The following DAOA variants were observed in gnomAD, a reference collection of about 807,000 sequenced individuals.
DAOA encodes D-amino acid oxidase regulator.
In DAOA, 15 loss-of-function variants were observed where a neutral mutation model predicts 16.4. The ratio of observed to expected loss-of-function variants is 0.91; its 90% confidence interval spans 0.61 to 1.41. The LOEUF is 1.41. Among genes scored for constraint, DAOA ranks in the 40% most tolerant of loss-of-function variants. The pLI is 0.00. For synonymous variants in DAOA, 75 were observed against 59.1 expected, an observed-to-expected ratio of 1.27 and a Z score of -1.23; for missense variants, 230 against 176.8, an observed-to-expected ratio of 1.30 and a Z score of -1.71.
intron 4 of DAOA, among the ~76,000 whole-genome samples, chr13:105,484,601 A>G (rs1197586966): frequency 6.6e-6 from 1 of 152,258 alleles, no homozygotes; most frequent in East Asian, 1.9e-4. Flanking sequence ...TTTAAAATTC[A>G]ATTACATATT....
chr13:105,466,244 C>A lies in DAOA; in HGVS notation c.-45C>A. The A allele has an allele frequency of 6.2e-7, 1 of 1,613,310 alleles. No homozygotes were observed. The highest frequency in any genetic ancestry group is 1.3e-5 in the African/African-American group (1 of 75,054). On this transcript the variant is annotated 5_prime_UTR_variant, in exon 2 of 6. Coordinates refer to ENST00000375936, the MANE Select transcript of DAOA (RefSeq NM_172370.5). ...TTGGAAAGGGCATGGCAGGAGGTCT[C>A]ATCTCTGCTTCACAATGCCGATGAT...
At chr13:105,471,298 G>A (rs901094340) in intron 3 of DAOA, among the ~76,000 whole-genome samples, 4 of 150,820 alleles carry the variant, frequency 2.7e-5, no homozygotes, top group African/African-American at 4.9e-5. Flanking sequence ...TGGTCAAACC[G>A]AATGTGTGGC....
chr13:105,481,586 C>T (rs528108238), intron 4 of DAOA, among the ~76,000 whole-genome samples: 71 of 152,242 alleles, frequency 4.7e-4, no homozygotes, highest in South Asian at 4.4e-3. Flanking sequence ...AAACAGACTC[C>T]CTTAATATCC....
chr13:105,490,225 A>G (rs563731892), intron 5 of DAOA, 33 bp downstream of exon 5: 2 of 1,034,684 alleles, frequency 1.9e-6, no homozygotes, highest in East Asian at 7.8e-5. Flanking sequence ...ATTTTTATGA[A>G]TATTTTTATG....
rs768190462 is a variant in DAOA at position 105,489,904 on chromosome 13, TG to T, written c.286del (p.Glu96LysfsTer3). ...SYLPQPYAEL[E>X]EVSSHVGKVF... The stretch of plus-strand genomic sequence containing the variant: ...CTGAGACCGGATCTCCTTACAGGCT[TG>T]AAGAAGTAAGCAGCCATGTTGGAAA... On this transcript the variant is annotated frameshift_variant, in exon 5 of 6. Transcript: ENST00000375936. LOFTEE classifies it high-confidence loss of function. The T allele has an allele frequency of 3.1e-6, 5 of 1,613,880 alleles. No homozygotes were observed. The highest frequency in any genetic ancestry group is 4.2e-6 in the Non-Finnish European group (5 of 1,179,866).
At chr13:105,474,209 G>C (rs1052848779) in intron 4 of DAOA, among the ~76,000 whole-genome samples, 2 of 151,796 alleles carry the variant, frequency 1.3e-5, no homozygotes, top group African/African-American at 4.8e-5. Flanking sequence ...AATGCCAATG[G>C]GACTATGAGG....
intron 2 of DAOA, 136 bp downstream of exon 2, chr13:105,466,468 T>C (rs771445102): frequency 2.8e-6 from 4 of 1,419,828 alleles, no homozygotes; most frequent in African/African-American, 1.4e-5. Context: ...CTGAGCCCAG[T>C]ATATGGTTCA....
chr13:105,485,306 A>C (rs1433550382), intron 4 of DAOA, among the ~76,000 whole-genome samples: 1 of 152,156 alleles, frequency 6.6e-6, no homozygotes, highest in Non-Finnish European at 1.5e-5. Flanking sequence ...CATGTCAAAA[A>C]AATGAACCCA....
chr13:105,482,736 A>C (rs1368059468), intron 4 of DAOA, among the ~76,000 whole-genome samples: 1 of 151,774 alleles, frequency 6.6e-6, no homozygotes, highest in African/African-American at 2.4e-5. Flanking sequence ...TCAAACTCCT[A>C]ACCTCGTGAT....
chr13:105,477,293 TAG>T (rs1008569313), intron 4 of DAOA: 3 of 152,186 alleles, frequency 2.0e-5, no homozygotes, highest in Non-Finnish European at 2.9e-5. Context: ...GTCTATCAGA[TAG>T]AGTTTCTACT....
chr13:105,482,541 ACT>A (rs780812871), intron 4 of DAOA, among the ~76,000 whole-genome samples: 2 of 139,216 alleles, frequency 1.4e-5, no homozygotes, highest in Non-Finnish European at 3.1e-5. Context: ...ATGGAGTCTC[ACT>A]CTGTCACCCA....
intron 4 of DAOA, among the ~76,000 whole-genome samples, chr13:105,485,683 G>A (rs746843058): frequency 6.6e-6 from 1 of 152,126 alleles, no homozygotes; most frequent in African/African-American, 2.4e-5. Context: ...CATTATGACT[G>A]GGGTCCTTGT....
intron 4 of DAOA, among the ~76,000 whole-genome samples, chr13:105,476,523 C>T (rs1186276846): frequency 7.7e-6 from 1 of 130,066 alleles, no homozygotes; most frequent in Non-Finnish European, 1.7e-5. Flanking sequence ...AAAAAAATTA[C>T]ATATGAGGTA....
At chr13:105,472,771 T>A (rs1289183663) in intron 4 of DAOA, 86 bp downstream of exon 4, 36 of 1,252,874 alleles carry the variant, frequency 2.9e-5, no homozygotes, top group Non-Finnish European at 3.7e-5. Flanking sequence ...TCTCTGGGCT[T>A]TTTAATATTA....
At chr13:105,470,719 C>T (rs1033661384) in intron 3 of DAOA, among the ~76,000 whole-genome samples, 3 of 152,144 alleles carry the variant, frequency 2.0e-5, no homozygotes, top group Non-Finnish European at 4.4e-5. Flanking sequence ...AAGCAATTCT[C>T]CTGCCTCAGC....
chr13:105,466,520 A>G, intron 2 of DAOA, 188 bp downstream of exon 2: 1 of 907,786 alleles, frequency 1.1e-6, no homozygotes, highest in South Asian at 2.0e-5. Flanking sequence ...AGGAGAACCT[A>G]GCCAAGGATC....
At chr13:105,481,816 ATCTC>A (rs887377681) in intron 4 of DAOA, among the ~76,000 whole-genome samples, 29 of 151,986 alleles carry the variant, frequency 1.9e-4, no homozygotes, top group Admixed American at 1.5e-3. Flanking sequence ...TCAGCTAACA[ATCTC>A]TCTCTCTCTA....
At chr13:105,486,619 TTC>T (rs201795675) in intron 4 of DAOA, among the ~76,000 whole-genome samples, 39,029 of 149,994 alleles carry the variant, frequency 0.26, 5,263 homozygotes, top group Non-Finnish European at 0.29. Flanking sequence ...CTTTCTTTCT[TTC>T]TTTTTTTTTC....
At chr13:105,466,535 A>G in intron 2 of DAOA, 2 of 792,832 alleles carry the variant, frequency 2.5e-6, no homozygotes, top group South Asian at 4.4e-5. Context: ...AGGATCACTC[A>G]TGTTAATGAG....
Sources: gnomAD v4.1 joint callset for allele counts (sites outside exome capture counted in the v4.1 genomes callset) on GRCh38, gnomAD v4.1.1 for gene constraint, MANE v1.5 for transcripts, NCBI Gene and HGNC (gene_info 2026-07-23, HGNC 2026-07-21) for gene names.